Variants in CTF1 observed in about 807,000 individuals in gnomAD.
CTF1 encodes cardiotrophin-1.
A neutral mutation model predicts 10.9 loss-of-function variants in CTF1; 9 were observed. The ratio of observed to expected loss-of-function variants is 0.83; its 90% CI spans 0.50 to 1.44. The LOEUF is 1.44. Among genes scored for constraint, CTF1 ranks in the 40% most tolerant of loss-of-function variants. CTF1 has a pLI of 0.00. For missense variants in CTF1, 259 were observed against 275.3 expected (o/e 0.94, Z 0.42); for synonymous variants, 133 against 138.8 (o/e 0.96, Z 0.29).
In CTF1 at chr16:30,902,365, C is replaced by T; in HGVS notation, c.432C>T (p.Gly144=). 1.7e-6 allele frequency: 2 copies of T among 1,176,596 alleles called. No individual in the cohort carries two copies. The highest frequency in any genetic ancestry group is 2.1e-6 in the Non-Finnish European group (2 of 955,366). The allele number at this position is 1,176,596 out of a possible 1,614,324, so 72.9% of individuals were successfully genotyped here. Residue 144 remains glycine (G), a synonymous_variant, in exon 3 of 3, where the codon GGC becomes GGT. Coordinates refer to ENST00000279804, the MANE Select transcript of CTF1 (RefSeq NM_001330.5). ...AAVEALLAAL[G]AANRGPRAEP... ...TGGAGGCCTTGCTGGCCGCGCTGGGCGCCGCCAACCGCGGGCCCCGGGCCG... is the reference window on the plus strand; with the variant it reads ...TGGAGGCCTTGCTGGCCGCGCTGGGTGCCGCCAACCGCGGGCCCCGGGCCG...
rs757616467 is a variant in CTF1 at position 30,901,743 on chromosome 16, A to ATTT, written c.145-314_145-312dup. On this transcript the variant is annotated intron_variant, in intron 2 of 2. Transcript: ENST00000279804. ...ACAGACATGCGCCACCACACTCGCTATTTTTTTTTTTTTTTTTTTTTTTAG... is the reference window on the plus strand; with the variant it reads ...ACAGACATGCGCCACCACACTCGCTATTTTTTTTTTTTTTTTTTTTTTTTTTAG... Among the ~76,000 whole-genome samples, 34 of 97,780 alleles carry ATTT rather than the reference A, an allele frequency of 3.5e-4. 1 individual carries two copies. The highest frequency in any genetic ancestry group is 1.3e-3 in the East Asian group (4 of 3,198). The allele number at this position is 97,780 out of a possible 152,430, so 64.1% of individuals were successfully genotyped here. A position where few individuals can be genotyped will look rare whatever the true frequency, so the allele number is the denominator to read the frequency against.
chr16:30,896,854 G>A (rs1271124164), intron 1 of CTF1, among the ~76,000 whole-genome samples, 186 bp downstream of exon 1: 1 of 152,130 alleles, frequency 6.6e-6, no homozygotes, highest in Non-Finnish European at 1.5e-5. Flanking sequence ...CAGGCGCTAG[G>A]GTTTAGAGGA....
At chr16:30,896,690 C>T in intron 1 of CTF1, 22 bp downstream of exon 1, 1 of 1,251,534 alleles carries the variant, frequency 8.0e-7, no homozygotes, top group Non-Finnish European at 1.0e-6. Context: ...AGGGACCGGA[C>T]GCCGGGTCGC....
At position 30,902,211 on chromosome 16, in the gene CTF1, C is replaced by G. The variant is rs1312041079; in HGVS notation, c.278C>G (p.Ala93Gly). Residue 93 changes from alanine to glycine, a missense_variant, in exon 3 of 3, where the codon GCG (alanine) becomes GGG (glycine). Transcript: ENST00000279804. ...GAGCGGCTGCGGCTGGACGCGGCGG[C>G]GCTGGCCGCGCTGCCCCCGCTGCTG... ...VHERLRLDAAALAALPPLLDA... is the reference protein window; with the variant it reads ...VHERLRLDAAGLAALPPLLDA... 3 of 1,159,856 alleles carry G rather than the reference C, an allele frequency of 2.6e-6. No individual in the cohort carries two copies. In the African/African-American group the frequency reaches 4.9e-5, roughly 19 times the overall value. The allele number at this position is 1,159,856 out of a possible 1,614,324, so 71.8% of individuals were successfully genotyped here.
intron 2 of CTF1, among the ~76,000 whole-genome samples, 192 bp downstream of exon 2, chr16:30,899,725 C>G (rs1442434370): frequency 6.6e-6 from 1 of 152,148 alleles, no homozygotes; most frequent in African/African-American, 2.4e-5. Flanking sequence ...AGATGCCACT[C>G]TGTCCTCTCC....
rs61733966 is a variant in CTF1 at position 30,903,383 on chromosome 16, C to G, written c.*844C>G. 1.9e-5 allele frequency: 3 copies of G among 154,332 alleles called. No homozygotes were observed. Among genetic ancestry groups the G allele is most frequent in the African/African-American group, 4.8e-5 (2 of 41,496 alleles). 9.6% of individuals were successfully genotyped at this position (154,332 alleles called of 1,614,324 possible). The stretch of plus-strand genomic sequence containing the variant: ...CACCCCATCCCTTTGGGCCTCAGCC[C>G]TGTCCCTTTGATGTCCTCCTTTCCT... On this transcript the variant is annotated 3_prime_UTR_variant, in exon 3 of 3. Coordinates refer to ENST00000279804, the MANE Select transcript of CTF1 (RefSeq NM_001330.5).
chr16:30,902,350 G>C lies in CTF1; in HGVS notation c.417G>C (p.Leu139Phe). The C allele has an allele frequency of 8.8e-7, 1 of 1,135,526 alleles. No individual in the cohort carries two copies. Among genetic ancestry groups the C allele is most frequent in the Non-Finnish European group, 1.1e-6 (1 of 929,080 alleles). The allele number at this position is 1,135,526 out of a possible 1,614,324, so 70.3% of individuals were successfully genotyped here. The change falls in exon 3 of 3, where the codon TTG becomes TTC. Residue 139 changes from leucine (L) to phenylalanine (F), a missense_variant. Physicochemically the swap from Leu to Phe is conservative, Grantham distance 22. Transcript: ENST00000279804. ...CCCTGGGCGCCGCCGTGGAGGCCTT[G>C]CTGGCCGCGCTGGGCGCCGCCAACC... ...ARALGAAVEA[L>F]LAALGAANRG...
chr16:30,897,095 A>C (rs1211495984), intron 1 of CTF1, among the ~76,000 whole-genome samples: 1 of 125,852 alleles, frequency 7.9e-6, no homozygotes, highest in African/African-American at 3.0e-5. Flanking sequence ...GCTGCTGAGG[A>C]TCGCGACTGG....
rs369917781 is a variant in CTF1, at chr16:30,899,423, C to T, written c.34C>T (p.Gln12Ter). The change falls in exon 2 of 3, where the codon CAG becomes TAG. Residue 12 changes from glutamine (Q) to a stop codon, truncating the protein, a stop_gained. Coordinates refer to ENST00000279804, the MANE Select transcript of CTF1 (RefSeq NM_001330.5). LOFTEE classifies it high-confidence loss of function. ...CCCCCCTTTCCCACCAGAAGACCCC[C>T]AGACTGATTCCTCAGTCTCACTTCT... ...SRREGSLEDP[Q>*]TDSSVSLLPH... The T allele has an allele frequency of 4.2e-5, 67 of 1,607,366 alleles. No homozygotes were observed. The highest frequency in any genetic ancestry group is 5.5e-5 in the Non-Finnish European group (64 of 1,173,936).
intron 2 of CTF1, 139 bp from the exon 3 acceptor site, chr16:30,901,939 C>A: frequency 1.3e-6 from 1 of 751,830 alleles, no homozygotes; most frequent in Non-Finnish European, 1.8e-6. Context: ...TTGCCTTAAA[C>A]AGAGCAGCTC....
rs764298787 is a variant in CTF1, at chr16:30,900,894, AT to A, written c.145-1168del. On this transcript the variant is annotated intron_variant, in intron 2 of 2. Coordinates refer to ENST00000279804, the MANE Select transcript of CTF1 (RefSeq NM_001330.5). The stretch of plus-strand genomic sequence containing the variant: ...ATAGTCACTGTATCTCCAGCCCAAC[AT>A]TTTTTTTTTTTTTTTGAAATGGAGT... Among the ~76,000 whole-genome samples, 591 of 139,024 alleles carry A rather than the reference AT, an allele frequency of 4.3e-3. 2 individuals carry two copies. The highest frequency in any genetic ancestry group is 8.0e-3 in the South Asian group (35 of 4,376). The allele number at this position is 139,024 out of a possible 152,430, so 91.2% of individuals were successfully genotyped here. A position where few individuals can be genotyped will look rare whatever the true frequency, so the allele number is the denominator to read the frequency against.
At chr16:30,902,005 G>T in intron 2 of CTF1, 73 bp from the exon 3 acceptor site, 1 of 1,296,712 alleles carries the variant, frequency 7.7e-7, no homozygotes, top group Non-Finnish European at 9.9e-7. Flanking sequence ...CAGAGAGCGG[G>T]TTGGAGAGCC....
At chr16:30,902,009 G>A in intron 2 of CTF1, 69 bp from the exon 3 acceptor site, 1 of 1,330,768 alleles carries the variant, frequency 7.5e-7, no homozygotes, top group Non-Finnish European at 9.7e-7. Flanking sequence ...GAGCGGGTTG[G>A]AGAGCCCAGT....
chr16:30,902,697 C>G lies in CTF1; in HGVS notation c.*158C>G. The G allele has an allele frequency of 8.8e-6, 10 of 1,142,490 alleles. No homozygotes were observed. Among genetic ancestry groups the G allele is most frequent in the African/African-American group, 1.6e-5 (1 of 61,106 alleles). 70.8% of individuals were successfully genotyped at this position (1,142,490 alleles called of 1,614,324 possible). A position where few individuals can be genotyped will look rare whatever the true frequency, so the allele number is the denominator to read the frequency against. The stretch of plus-strand genomic sequence containing the variant: ...TTTTTGTGGGGGAGAGGGGAGGGGA[C>G]GGGCAGGGTCTCTGTCGCCCAGGCT... On this transcript the variant is annotated 3_prime_UTR_variant, in exon 3 of 3. Transcript: ENST00000279804.
upstream of CTF1, chr16:30,896,514 G>A (rs2234710): frequency 2.2e-5 from 18 of 836,370 alleles, no homozygotes; most frequent in Non-Finnish European, 2.9e-5. Context: ...GTCTCAAAAG[G>A]GGGGGTAGGA....
chr16:30,901,132 AT>A (rs1193352560), intron 2 of CTF1, among the ~76,000 whole-genome samples: 1 of 152,138 alleles, frequency 6.6e-6, no homozygotes, highest in African/African-American at 2.4e-5. Context: ...ACTTCAGCTG[AT>A]CTGCCTGCCT....
At chr16:30,898,289 G>A (rs1299579854) in intron 1 of CTF1, among the ~76,000 whole-genome samples, 2 of 151,914 alleles carry the variant, frequency 1.3e-5, no homozygotes, top group African/African-American at 4.8e-5. Flanking sequence ...AGGCCCCCTG[G>A]TAGCTGGGAT....
chr16:30,897,508 T>C (rs947288754), intron 1 of CTF1, among the ~76,000 whole-genome samples: 1 of 152,096 alleles, frequency 6.6e-6, no homozygotes, highest in Non-Finnish European at 1.5e-5. Flanking sequence ...GCAAATGGCC[T>C]TAAGTCAAAG....
intron 1 of CTF1, among the ~76,000 whole-genome samples, chr16:30,899,048 T>C (rs910826377): frequency 3.3e-5 from 5 of 152,192 alleles, no homozygotes; most frequent in African/African-American, 1.2e-4. Flanking sequence ...CTAGGAACAA[T>C]TGACTAACAC....
Sources: allele counts gnomAD v4.1 joint callset (sites outside exome capture counted in the v4.1 genomes callset), GRCh38; gene constraint gnomAD v4.1.1; transcripts MANE v1.5; gene names NCBI Gene and HGNC (gene_info 2026-07-23, HGNC 2026-07-21).